COL22A1: variants seen among roughly 807,000 people sequenced by gnomAD.
The protein encoded by COL22A1 is collagen alpha-1(XXII) chain.
COL22A1 carries 221 observed loss-of-function variants against 248.9 expected under a neutral mutation model. The ratio of observed to expected loss-of-function variants is 0.89; its 90% CI spans 0.80 to 0.99. COL22A1 has a LOEUF of 0.99. Ranked by LOEUF, COL22A1 falls within the 50% of genes least tolerant of loss-of-function variation. The pLI is 0.00. For synonymous variants in COL22A1, 891 were observed against 793.4 expected (o/e 1.12, Z -2.07); for missense variants, 2,240 against 2,179.0 (o/e 1.03, Z -0.56).
At chr8:138,688,741 G>A (rs1826569682) in intron 37 of COL22A1, among the ~76,000 whole-genome samples, 176 bp downstream of exon 37, 1 of 151,992 alleles carries the variant, frequency 6.6e-6, no homozygotes, top group South Asian at 2.1e-4. Context: ...TCTCAGGTCT[G>A]TTGTGAGGAA....
At chr8:138,818,657 T>G (rs943247518) in intron 7 of COL22A1, among the ~76,000 whole-genome samples, 1 of 152,208 alleles carries the variant, frequency 6.6e-6, no homozygotes, top group African/African-American at 2.4e-5. Context: ...GGATGTCCAC[T>G]CTATCTACTT....
intron 28 of COL22A1, 70 bp downstream of exon 28, chr8:138,716,755 T>A: frequency 8.8e-7 from 1 of 1,140,218 alleles, no homozygotes; most frequent in Non-Finnish European, 1.3e-6. Context: ...CTAAATAATT[T>A]ATACAAGATG....
chr8:138,593,442 C>G (rs1817259518), intron 63 of COL22A1, among the ~76,000 whole-genome samples: 1 of 151,654 alleles, frequency 6.6e-6, no homozygotes, highest in Non-Finnish European at 1.5e-5. Flanking sequence ...ATTTTTTAAT[C>G]CTTCCTCTCT....
chr8:138,661,118 A>C (rs533055952), intron 43 of COL22A1, among the ~76,000 whole-genome samples: 8,556 of 151,146 alleles, frequency 0.057, 297 homozygotes, highest in Non-Finnish European at 0.085. Flanking sequence ...AGACACACAC[A>C]CCCTGTCTTA....
intron 45 of COL22A1, among the ~76,000 whole-genome samples, chr8:138,651,957 T>C (rs1007402650): frequency 6.6e-6 from 1 of 152,252 alleles, no homozygotes; most frequent in African/African-American, 2.4e-5. Flanking sequence ...TTGCATACTA[T>C]GCAGGATTAT....
At chr8:138,701,973 C>T (rs142400073) in intron 31 of COL22A1, among the ~76,000 whole-genome samples, 2 of 152,278 alleles carry the variant, frequency 1.3e-5, no homozygotes, top group African/African-American at 4.8e-5. Flanking sequence ...ATTCACTTAA[C>T]TTTGTGCTTA....
intron 47 of COL22A1, among the ~76,000 whole-genome samples, chr8:138,638,682 C>A (rs143977164): frequency 6.6e-6 from 1 of 152,128 alleles, no homozygotes; most frequent in South Asian, 2.1e-4. Flanking sequence ...CATTTTTCCA[C>A]GTAATTATTT....
At chr8:138,704,621 T>C (rs1466051916) in intron 30 of COL22A1, among the ~76,000 whole-genome samples, 3 of 152,036 alleles carry the variant, frequency 2.0e-5, no homozygotes, top group African/African-American at 7.2e-5. Context: ...ACCCCATCTG[T>C]ACATCACCAT....
At chr8:138,666,402 C>T (rs1327915963) in intron 41 of COL22A1, among the ~76,000 whole-genome samples, 1 of 152,158 alleles carries the variant, frequency 6.6e-6, no homozygotes, top group Non-Finnish European at 1.5e-5. Flanking sequence ...AATCAGAGGC[C>T]TACAAATTGG....
At chr8:138,737,372 G>T in intron 23 of COL22A1, 152 bp downstream of exon 23, 1 of 616,536 alleles carries the variant, frequency 1.6e-6, no homozygotes, top group East Asian at 2.8e-5. Flanking sequence ...GGAGGAGGGA[G>T]GGAGGACACG....
chr8:138,897,258 A>G (rs537925703), intron 1 of COL22A1, among the ~76,000 whole-genome samples: 1 of 152,090 alleles, frequency 6.6e-6, no homozygotes, highest in South Asian at 2.1e-4. Flanking sequence ...TCCACAAATA[A>G]TAGCTTAGGC....
At chr8:138,718,838 A>T (rs1829646427) in intron 27 of COL22A1, among the ~76,000 whole-genome samples, 1 of 152,232 alleles carries the variant, frequency 6.6e-6, no homozygotes, top group African/African-American at 2.4e-5. Flanking sequence ...TTCAACCATG[A>T]GTGATGATCA....
chr8:138,908,087 G>A (rs1399363083), intron 1 of COL22A1, among the ~76,000 whole-genome samples: 1 of 152,130 alleles, frequency 6.6e-6, no homozygotes, highest in Non-Finnish European at 1.5e-5. Flanking sequence ...AAACAATGCG[G>A]ACCACAGCAC....
intron 56 of COL22A1, among the ~76,000 whole-genome samples, chr8:138,613,382 C>T (rs553650187): frequency 1.3e-3 from 199 of 152,260 alleles, no homozygotes; most frequent in Non-Finnish European, 2.6e-3. Context: ...CAGCAAAGCC[C>T]CAGAAGCTGG....
intron 47 of COL22A1, among the ~76,000 whole-genome samples, chr8:138,642,745 T>C (rs1821826375): frequency 6.6e-6 from 1 of 152,134 alleles, no homozygotes; most frequent in Admixed American, 6.5e-5. Context: ...ATAAAGACAA[T>C]TCTAGCCGGG....
chr8:138,763,206 G>A (rs1833641309), intron 16 of COL22A1, among the ~76,000 whole-genome samples: 1 of 152,106 alleles, frequency 6.6e-6, no homozygotes, highest in African/African-American at 2.4e-5. Flanking sequence ...GGCCAACATG[G>A]TGAAACCCCA....
intron 64 of COL22A1, among the ~76,000 whole-genome samples, chr8:138,590,280 T>C (rs949214755): frequency 6.6e-6 from 1 of 152,206 alleles, no homozygotes; most frequent in Non-Finnish European, 1.5e-5. Context: ...AAAAGATCTG[T>C]AGATATTTCA....
At position 138,909,290 on chromosome 8, in the gene COL22A1, A is replaced by G. The variant is rs537592778; in HGVS notation, c.-73+4329T>C. ...CAGAGCAGACCTCCAGAACTTATTC[A>G]TCTTGCATAAGTGAAGTTTTATACT... On this transcript the variant is annotated intron_variant, in intron 1 of 64. Coordinates refer to ENST00000303045, the MANE Select transcript of COL22A1 (RefSeq NM_152888.3). Among the ~76,000 whole-genome samples, 8 of 152,312 alleles carry G rather than the reference A, an allele frequency of 5.3e-5. No homozygotes were observed. In the South Asian group the frequency reaches 1.7e-3, roughly 32 times the overall value.
intron 16 of COL22A1, among the ~76,000 whole-genome samples, chr8:138,765,898 G>A (rs1833879333): frequency 6.6e-6 from 1 of 152,230 alleles, no homozygotes; most frequent in African/African-American, 2.4e-5. Flanking sequence ...AGCAGACAGT[G>A]TGAGAGTAAG....
Sources: allele counts gnomAD v4.1 joint callset (sites outside exome capture counted in the v4.1 genomes callset), GRCh38; gene constraint gnomAD v4.1.1; transcripts MANE v1.5; gene names NCBI Gene and HGNC (gene_info 2026-07-23, HGNC 2026-07-21).